Variants in CNGA4 observed in about 807,000 individuals in gnomAD.
CNGA4 encodes cyclic nucleotide gated channel subunit alpha 4.
Under a neutral mutation model 45.6 loss-of-function variants are expected in CNGA4, and 32 were observed. The ratio of observed to expected loss-of-function variants is 0.70; its 90% CI spans 0.53 to 0.94. The LOEUF (loss-of-function observed/expected upper bound fraction) is 0.94, where lower values mean the gene tolerates loss of function less well. CNGA4 is among the 40% of genes least tolerant of loss of function. The pLI is 0.00. For missense variants in CNGA4, 726 were observed against 755.1 expected, an observed-to-expected ratio of 0.96 and a Z score of 0.45; for synonymous variants, 293 against 304.6, an observed-to-expected ratio of 0.96 and a Z score of 0.40.
chr11:6,244,178 C>A lies in CNGA4; in HGVS notation c.1497C>A (p.Gly499=). Residue 499 remains glycine, a synonymous_variant, in exon 6 of 6, where the codon GGC becomes GGA. Transcript: ENST00000379936. This position sits in a 1 kb window ranked among gnomAD's most constrained non-coding sequence, Gnocchi z 4.5. ...LQEATESRLR[G]LDQQLDDLQT... Reference sequence around the variant, plus strand: ...AGGCCACAGAGTCCCGGCTACGAGGCCTAGACCAGCAGCTGGATGATCTAC... The same window carrying A: ...AGGCCACAGAGTCCCGGCTACGAGGACTAGACCAGCAGCTGGATGATCTAC... 1 of 1,614,218 alleles carries A rather than the reference C, an allele frequency of 6.2e-7. No individual in the cohort carries two copies. The highest frequency in any genetic ancestry group is 2.2e-5 in the East Asian group (1 of 44,880).
At position 6,240,695 on chromosome 11, in the gene CNGA4, C is replaced by T. The variant is rs377158336; in HGVS notation, c.901C>T (p.Arg301Trp). 129 of 1,612,740 alleles carry T rather than the reference C, an allele frequency of 8.0e-5. 1 individual carries two copies. Among genetic ancestry groups the T allele is most frequent in the African/African-American group, 8.0e-5 (6 of 74,864 alleles). The change falls in exon 4 of 6, where the codon CGG (arginine) becomes TGG (tryptophan). Residue 301 changes from arginine to tryptophan, a missense_variant. Coordinates refer to ENST00000379936, the MANE Select transcript of CNGA4 (RefSeq NM_001037329.4). The surrounding 1 kb of genome is among the most constrained non-coding windows in gnomAD (Gnocchi z 4.9). ...GCAGCACGTCAACCGCAAGCTGGAG[C>T]GGCGAGTTATTGACTGGTGAGAAGG... Reference protein sequence around the residue: ...KLQHVNRKLERRVIDWYQHLQ... With the variant: ...KLQHVNRKLEWRVIDWYQHLQ...
chr11:6,242,425 G>A lies in CNGA4; in HGVS notation c.1267+645G>A, dbSNP rs141561139. ...TCATCAGCCCTGTGCAGTAGGAATTGTTATGCCTAATCACAGGTATTAGGC... is the reference window on the plus strand; with the variant it reads ...TCATCAGCCCTGTGCAGTAGGAATTATTATGCCTAATCACAGGTATTAGGC... On this transcript the variant is annotated intron_variant, in intron 5 of 5. Transcript: ENST00000379936. Among the ~76,000 whole-genome samples, 256 of 152,186 alleles carry A rather than the reference G, an allele frequency of 1.7e-3. 1 individual carries two copies. Among genetic ancestry groups the A allele is most frequent in the African/African-American group, 6.0e-3 (247 of 41,504 alleles).
At chr11:6,241,854 AC>A in intron 5 of CNGA4, 74 bp downstream of exon 5, 1 of 1,336,572 alleles carries the variant, frequency 7.5e-7, no homozygotes, top group Non-Finnish European at 1.1e-6. Context: ...CAGTGCTGGG[AC>A]CAGATAGTAC....
Position 6,240,502 on chromosome 11 carries a change from G to A in CNGA4, c.708G>A (p.Pro236=), listed in dbSNP as rs1228514054. 12 of 1,614,058 alleles carry A rather than the reference G, an allele frequency of 7.4e-6. No homozygotes were observed. The highest frequency in any genetic ancestry group is 1.1e-5 in the South Asian group (1 of 91,092). ...TACTGACTACAGTGGGCGATACACC[G>A]CCGCCAGCCAGGGAAGAAGAGTACC... ...TLILTTVGDT[P]PPAREEEYLF... is the part of the protein sequence containing the mutation. Residue 236 remains proline, a synonymous_variant, in exon 4 of 6, where the codon CCG becomes CCA. Transcript: ENST00000379936. This position sits in a 1 kb window ranked among gnomAD's most constrained non-coding sequence, Gnocchi z 4.9.
At chr11:6,244,585 T>TACACAC (rs59621297), downstream of CNGA4, among the ~76,000 whole-genome samples, 1,228 of 141,894 alleles carry the variant, frequency 8.7e-3, 10 homozygotes, top group African/African-American at 0.015. This position sits in a 1 kb window ranked among gnomAD's most constrained non-coding sequence, Gnocchi z 4.5. Context: ...CACTTACCAG[T>TACACAC]ACACACACAC....
chr11:6,235,543 C>G (rs1213134004), upstream of CNGA4: 1 of 985,298 alleles, frequency 1.0e-6, no homozygotes, highest in South Asian at 4.7e-5. Context: ...TTAGGGAAGA[C>G]TTCCGGGAGG....
intron 5 of CNGA4, among the ~76,000 whole-genome samples, 178 bp from the exon 6 acceptor site, chr11:6,243,771 C>G (rs1311767998): frequency 6.6e-6 from 1 of 152,164 alleles, no homozygotes; most frequent in African/African-American, 2.4e-5. Flanking sequence ...AGGCAGGTCA[C>G]TGATACCTAC....
At chr11:6,243,714 T>C (rs1847949006) in intron 5 of CNGA4, among the ~76,000 whole-genome samples, 1 of 152,198 alleles carries the variant, frequency 6.6e-6, no homozygotes, top group Non-Finnish European at 1.5e-5. Context: ...TACTGTTATA[T>C]AACTATTCCA....
Position 6,239,400 on chromosome 11 carries a change from C to T in CNGA4, c.79C>T (p.Leu27=). ...PSKARKLLPV[L]DPSGDYYYWW... Reference sequence around the variant, plus strand: ...TTCTTACAGGAAGTTGCTGCCTGTCCTGGACCCATCTGGGGATTACTACTA... The same window carrying T: ...TTCTTACAGGAAGTTGCTGCCTGTCTTGGACCCATCTGGGGATTACTACTA... The change falls in exon 2 of 6, where the codon CTG becomes TTG. Residue 27 remains leucine, a synonymous_variant. Coordinates refer to ENST00000379936, the MANE Select transcript of CNGA4 (RefSeq NM_001037329.4). 2 of 1,614,206 alleles carry T rather than the reference C, an allele frequency of 1.2e-6. No individual in the cohort carries two copies. Among genetic ancestry groups the T allele is most frequent in the South Asian group, 2.2e-5 (2 of 91,082 alleles).
At chr11:6,236,764 G>A (rs1042479897), upstream of CNGA4, among the ~76,000 whole-genome samples, 5 of 152,126 alleles carry the variant, frequency 3.3e-5, no homozygotes, top group African/African-American at 1.2e-4. Context: ...GTGTTTGTTT[G>A]TTCTGGTTAC....
At chr11:6,236,192 G>T (rs150415072), upstream of CNGA4, among the ~76,000 whole-genome samples, 3 of 152,366 alleles carry the variant, frequency 2.0e-5, no homozygotes, top group East Asian at 5.8e-4. Flanking sequence ...TGGACAGCAT[G>T]TGGGAGGTGC....
At position 6,240,825 on chromosome 11, in the gene CNGA4, A is replaced by G; in HGVS notation, c.917+114A>G. ...CCAGGCAAGGCTGTCAAAATGTAGC[A>G]TTCAGCCGTGGGTTTGCTGGCTGGG... On this transcript the variant is annotated intron_variant, in intron 4 of 5. Coordinates refer to ENST00000379936, the MANE Select transcript of CNGA4 (RefSeq NM_001037329.4). The surrounding 1 kb of genome is among the most constrained non-coding windows in gnomAD (Gnocchi z 4.9). 3.7e-6 allele frequency: 5 copies of G among 1,334,510 alleles called. No individual in the cohort carries two copies. Among genetic ancestry groups the G allele is most frequent in the African/African-American group, 1.5e-5 (1 of 68,348 alleles). 82.7% of individuals were successfully genotyped at this position (1,334,510 alleles called of 1,614,324 possible). A position where few individuals can be genotyped will look rare whatever the true frequency, so the allele number is the denominator to read the frequency against.
At position 6,241,718 on chromosome 11, in the gene CNGA4, C is replaced by A. The variant is rs1459868628; in HGVS notation, c.1205C>A (p.Thr402Lys). 6.2e-7 allele frequency: 1 copy of A among 1,614,196 alleles called. No homozygotes were observed. Among genetic ancestry groups the A allele is most frequent in the South Asian group, 1.1e-5 (1 of 91,078 alleles). The change falls in exon 5 of 6, where the codon ACA (threonine) becomes AAA (lysine). Residue 402 changes from threonine (T) to lysine (K), a missense_variant. Transcript: ENST00000379936. ...GCCGTGGTGGCAGATGATGGTATCACACAGTATGCTGTGCTCGGTGCAGGG... is the reference window on the plus strand; with the variant it reads ...GCCGTGGTGGCAGATGATGGTATCAAACAGTATGCTGTGCTCGGTGCAGGG... Reference protein sequence around the residue: ...QLAVVADDGITQYAVLGAGLY... With the variant: ...QLAVVADDGIKQYAVLGAGLY...
At chr11:6,243,675 T>C (rs1564879392) in intron 5 of CNGA4, among the ~76,000 whole-genome samples, 1 of 152,196 alleles carries the variant, frequency 6.6e-6, no homozygotes, top group Non-Finnish European at 1.5e-5. Flanking sequence ...CCACAGCACC[T>C]GATGAACATG....
At chr11:6,242,019 G>T in intron 5 of CNGA4, 1 of 552,880 alleles carries the variant, frequency 1.8e-6, no homozygotes, top group Non-Finnish European at 3.2e-6. Context: ...GAGTAGACTT[G>T]CTCTGTGGAT....
rs1307890301 is a variant in CNGA4 at position 6,240,774 on chromosome 11, T to C, written c.917+63T>C. On this transcript the variant is annotated intron_variant, in intron 4 of 5. Coordinates refer to ENST00000379936, the MANE Select transcript of CNGA4 (RefSeq NM_001037329.4). This position sits in a 1 kb window ranked among gnomAD's most constrained non-coding sequence, Gnocchi z 4.9. ...TGTAGGTGATGGAACCTGAGGGAGG[T>C]AACTGGGTCCTTAGTGCCTGGTGAG... is the stretch of plus-strand genomic sequence containing the variant. 9 of 1,554,690 alleles carry C rather than the reference T, an allele frequency of 5.8e-6. No individual in the cohort carries two copies. Among genetic ancestry groups the C allele is most frequent in the Non-Finnish European group, 7.9e-6 (9 of 1,144,878 alleles).
chr11:6,243,368 G>T (rs979211634), intron 5 of CNGA4, among the ~76,000 whole-genome samples: 7 of 152,184 alleles, frequency 4.6e-5, no homozygotes, highest in Non-Finnish European at 8.8e-5. Context: ...GGCAAAGGGG[G>T]AGCAGGCATG....
chr11:6,239,892 C>T (rs765243118), intron 3 of CNGA4, 102 bp downstream of exon 3: 33 of 1,359,858 alleles, frequency 2.4e-5, no homozygotes, highest in African/African-American at 1.0e-4. Context: ...GTAGCACCTT[C>T]GCGTGCCTCT....
At position 6,241,461 on chromosome 11, in the gene CNGA4, G is replaced by T; in HGVS notation, c.948G>T (p.Met316Ile). 1.3e-6 allele frequency: 2 copies of T among 1,594,778 alleles called. No homozygotes were observed. The highest frequency in any genetic ancestry group is 2.3e-5 in the South Asian group (2 of 88,530). The change falls in exon 5 of 6, where the codon ATG (methionine) becomes ATT (isoleucine). Residue 316 changes from methionine (M) to isoleucine (I), a missense_variant. Physicochemically the swap from Met to Ile is conservative, Grantham distance 10 (BLOSUM62 1). Coordinates refer to ENST00000379936, the MANE Select transcript of CNGA4 (RefSeq NM_001037329.4). Reference protein sequence around the residue: ...WYQHLQINKKMTNEVAILQHL... With the variant: ...WYQHLQINKKITNEVAILQHL... ...AGCACCTGCAGATCAACAAGAAGAT[G>T]ACCAACGAGGTAGCCATCTTACAGC...
Sources: allele counts gnomAD v4.1 joint callset (sites outside exome capture counted in the v4.1 genomes callset), GRCh38; gene constraint gnomAD v4.1.1; non-coding constraint Gnocchi (gnomAD v3.1); transcripts MANE v1.5; gene names NCBI Gene and HGNC (gene_info 2026-07-23, HGNC 2026-07-21).